MATCAP2: variants seen among roughly 807,000 people sequenced by gnomAD.
MATCAP2 encodes the protein microtubule associated tyrosine carboxypeptidase 2, also known as putative tyrosine carboxypeptidase MATCAP2.
the MATCAP2 span, among the ~76,000 whole-genome samples, chr7:36,382,720 C>T: frequency 6.6e-6 from 1 of 152,190 alleles, no homozygotes. Flanking sequence ...GTCTCGATCT[C>T]CTGACCTCGT....
At chr7:36,379,328 AT>A in the MATCAP2 span, among the ~76,000 whole-genome samples, 1 of 152,184 alleles carries the variant, frequency 6.6e-6, no homozygotes, top group Non-Finnish European at 1.5e-5. Context: ...TCTGGGAAGA[AT>A]TTAGAGTTCT....
chr7:36,326,562 C>A, the MATCAP2 span: 1 of 397,160 alleles, frequency 2.5e-6, no homozygotes, highest in Non-Finnish European at 4.4e-6. Context: ...AATAACTTCC[C>A]CCTGCAACCT....
At chr7:36,324,564 T>C in the MATCAP2 span, 6 of 152,350 alleles carry the variant, frequency 3.9e-5, no homozygotes, top group East Asian at 9.6e-4. Flanking sequence ...TAATTTTCTG[T>C]TTATTAAAAC....
chr7:36,356,048 A>G, the MATCAP2 span: 8 of 152,348 alleles, frequency 5.3e-5, no homozygotes, highest in Admixed American at 2.6e-4. Context: ...TTATCTTTGA[A>G]TAAGTGCTTA....
the MATCAP2 span, among the ~76,000 whole-genome samples, chr7:36,365,870 C>T: frequency 3.8e-3 from 582 of 152,346 alleles, 6 homozygotes; most frequent in African/African-American, 0.013. Context: ...TTAAAGTTGC[C>T]TTTTCGATCT....
At chr7:36,324,683 T>C in the MATCAP2 span, 1 of 152,256 alleles carries the variant, frequency 6.6e-6, no homozygotes, top group African/African-American at 2.4e-5. Flanking sequence ...GCTCTTTATT[T>C]CTGCTAATCT....
At chr7:36,333,923 C>T in the MATCAP2 span, 12 of 1,614,140 alleles carry the variant, frequency 7.4e-6, no homozygotes, top group Non-Finnish European at 8.5e-6. Flanking sequence ...TATTGGGGTC[C>T]TTGACAAACC....
chr7:36,363,552 G>C, the MATCAP2 span, among the ~76,000 whole-genome samples: 1 of 152,170 alleles, frequency 6.6e-6, no homozygotes, highest in African/African-American at 2.4e-5. Flanking sequence ...ATGTCACACT[G>C]ATATTACATG....
At chr7:36,364,089 TTC>T in the MATCAP2 span, among the ~76,000 whole-genome samples, 67 of 52,736 alleles carry the variant, frequency 1.3e-3, no homozygotes, top group Admixed American at 2.0e-3. Flanking sequence ...AATCTTCTTC[TTC>T]TTTTTTTTTT....
chr7:36,385,177 G>A, the MATCAP2 span, among the ~76,000 whole-genome samples: 1 of 152,146 alleles, frequency 6.6e-6, no homozygotes, highest in African/African-American at 2.4e-5. Context: ...TTTTTAGCAG[G>A]TATAATGAAG....
At chr7:36,384,863 A>AC in the MATCAP2 span, among the ~76,000 whole-genome samples, 210 of 151,226 alleles carry the variant, frequency 1.4e-3, no homozygotes, top group South Asian at 2.1e-3. Flanking sequence ...CATAGTGAAA[A>AC]GAAAAAAAAA....
the MATCAP2 span, among the ~76,000 whole-genome samples, chr7:36,372,744 T>TA: frequency 6.6e-6 from 1 of 152,082 alleles, no homozygotes; most frequent in Non-Finnish European, 1.5e-5. Context: ...ATATACAAGG[T>TA]AAAAAGATGA....
the MATCAP2 span, among the ~76,000 whole-genome samples, chr7:36,335,766 T>C: frequency 6.4e-5 from 9 of 140,780 alleles, no homozygotes; most frequent in Non-Finnish European, 3.1e-5. Flanking sequence ...GAAAACAAAA[T>C]CTACAGAAAA....
the MATCAP2 span, chr7:36,335,275 G>A: frequency 8.8e-7 from 1 of 1,133,838 alleles, no homozygotes; most frequent in Non-Finnish European, 1.3e-6. Flanking sequence ...AATTAACACT[G>A]TTTTTTGTTT....
chr7:36,357,129 G>A, the MATCAP2 span: 2 of 1,614,196 alleles, frequency 1.2e-6, no homozygotes, highest in East Asian at 2.2e-5. Context: ...GGCTTTGGAA[G>A]AGTGGAGAAA....
At chr7:36,379,550 C>G in the MATCAP2 span, among the ~76,000 whole-genome samples, 1 of 151,860 alleles carries the variant, frequency 6.6e-6, no homozygotes, top group South Asian at 2.1e-4. Context: ...AGCTTGTAGA[C>G]ATGATATCCT....
chr7:36,385,792 TAAAATA>T, the MATCAP2 span, among the ~76,000 whole-genome samples: 35 of 68,410 alleles, frequency 5.1e-4, no homozygotes, highest in African/African-American at 2.3e-3. Flanking sequence ...TTTCAAAAAA[TAAAATA>T]AAATAAAATA....
the MATCAP2 span, among the ~76,000 whole-genome samples, chr7:36,369,970 A>C: frequency 0.93 from 141,375 of 152,194 alleles, 66,019 homozygotes; most frequent in South Asian, 0.98. Context: ...TCTTGTGGAT[A>C]ATTTTTAAAT....
the MATCAP2 span, among the ~76,000 whole-genome samples, chr7:36,379,847 C>CACAGAGAGAGAGAGAG: frequency 5.7e-4 from 61 of 107,688 alleles, 2 homozygotes; most frequent in East Asian, 0.011. Flanking sequence ...CACACACACA[C>CACAGAGAGAGAGAGAG]AGAGAGAGAG....
Sources: gnomAD v4.1 joint callset for allele counts (sites outside exome capture counted in the v4.1 genomes callset) on GRCh38, gnomAD v4.1.1 for gene constraint, MANE v1.5 for transcripts, NCBI Gene and HGNC (gene_info 2026-07-23, HGNC 2026-07-21) for gene names.